SLC26A7: variants seen among roughly 807,000 people sequenced by gnomAD.
The protein encoded by SLC26A7 is anion exchange transporter.
SLC26A7 carries 59 observed loss-of-function variants against 82.5 expected under a neutral mutation model. The ratio of observed to expected loss-of-function variants is 0.72; its 90% confidence interval spans 0.58 to 0.89. The LOEUF is 0.89. SLC26A7 is among the 40% of genes least tolerant of loss of function. The probability of loss-of-function intolerance (pLI) is 0.00; values close to 1 mark genes in which losing one functional copy is unlikely to be tolerated. For missense variants in SLC26A7, 820 were observed against 793.0 expected (o/e 1.03, Z -0.41); for synonymous variants, 271 against 274.3 (o/e 0.99, Z 0.12).
At chr8:91,340,325 G>A (rs16912284) in intron 7 of SLC26A7, 79 bp from the exon 8 acceptor site, 41,080 of 1,532,298 alleles carry the variant, frequency 0.027, 653 homozygotes, top group African/African-American at 0.034. Context: ...CAGAGTCATT[G>A]CCACAGTTAA....
rs777720921 is a variant in SLC26A7 at position 91,218,890 on chromosome 8, G to T, written c.-149G>T. On this transcript the variant is annotated splice_region_variant and 5_prime_UTR_variant, in exon 2 of 6. Coordinates refer to the SLC26A7 transcript ENST00000522862. ...TTTATTTTTAATCTTTACTTTTTAG[G>T]ACTGGAAGATAAGCAAGAATCTGAA... 35 of 1,532,712 alleles carry T rather than the reference G, an allele frequency of 2.3e-5. 1 individual carries two copies. In the South Asian group the frequency reaches 4.1e-4, roughly 18 times the overall value. The allele number at this position is 1,532,712 out of a possible 1,614,324, so 94.9% of individuals were successfully genotyped here. A position where few individuals can be genotyped will look rare whatever the true frequency, so the allele number is the denominator to read the frequency against.
chr8:91,234,480 T>C (rs769102303), intron 2 of SLC26A7, among the ~76,000 whole-genome samples: 4 of 13,770 alleles, frequency 2.9e-4, no homozygotes, highest in African/African-American at 1.3e-3. Flanking sequence ...GGCCCTTCTG[T>C]TTTTTTTTTT....
chr8:91,227,645 A>G (rs1195190383), intron 2 of SLC26A7, among the ~76,000 whole-genome samples: 1 of 152,146 alleles, frequency 6.6e-6, no homozygotes, highest in Non-Finnish European at 1.5e-5. Flanking sequence ...TAAAGTATTG[A>G]TATTATTTTT....
chr8:91,294,417 T>C (rs1160659705), intron 3 of SLC26A7, among the ~76,000 whole-genome samples: 1 of 152,166 alleles, frequency 6.6e-6, no homozygotes, highest in Non-Finnish European at 1.5e-5. Context: ...GCCTCTCTTA[T>C]CTAGTAAGAC....
Position 91,347,869 on chromosome 8 carries a change from A to G in SLC26A7, c.1141-3941A>G, listed in dbSNP as rs959062460. On this transcript the variant is annotated intron_variant, in intron 9 of 18. Transcript: ENST00000276609. Reference sequence around the variant, plus strand: ...ATAAGAAATTTGTGGCACAGCTTAGACAAATAGCACAAAAAAATTACATTT... The same window carrying G: ...ATAAGAAATTTGTGGCACAGCTTAGGCAAATAGCACAAAAAAATTACATTT... Among the ~76,000 whole-genome samples the G allele has an allele frequency of 5.3e-5, 8 of 152,344 alleles. 1 individual carries two copies. The highest frequency in any genetic ancestry group is 5.2e-4 in the Admixed American group (8 of 15,298).
intron 3 of SLC26A7, among the ~76,000 whole-genome samples, chr8:91,292,654 C>A (rs1431704326): frequency 1.3e-5 from 2 of 151,828 alleles, no homozygotes; most frequent in Non-Finnish European, 2.9e-5. Flanking sequence ...GTAAACAATT[C>A]ATAAAATCAG....
intron 3 of SLC26A7, among the ~76,000 whole-genome samples, chr8:91,291,053 G>A (rs904347092): frequency 5.3e-5 from 8 of 152,126 alleles, no homozygotes; most frequent in Admixed American, 1.3e-4. Context: ...GTATATATAT[G>A]TGTTTATATG....
intron 1 of SLC26A7, among the ~76,000 whole-genome samples, chr8:91,217,183 T>G (rs950158838): frequency 1.3e-5 from 2 of 152,146 alleles, no homozygotes; most frequent in African/African-American, 4.8e-5. Flanking sequence ...CTGTATATCT[T>G]TGTAGCCTGA....
At chr8:91,299,565 T>TA (rs199597088) in intron 4 of SLC26A7, among the ~76,000 whole-genome samples, 2,502 of 152,286 alleles carry the variant, frequency 0.016, 43 homozygotes, top group African/African-American at 0.052. Flanking sequence ...TCTTTACCTC[T>TA]ATAACTTAAG....
intron 15 of SLC26A7, among the ~76,000 whole-genome samples, chr8:91,376,278 G>A (rs1814513735): frequency 6.6e-6 from 1 of 152,118 alleles, no homozygotes; most frequent in South Asian, 2.1e-4. Flanking sequence ...ATCCTTTGGA[G>A]GTGTCAAGAC....
At chr8:91,271,584 A>G (rs1445557526) in intron 2 of SLC26A7, among the ~76,000 whole-genome samples, 2 of 147,636 alleles carry the variant, frequency 1.4e-5, no homozygotes, top group South Asian at 2.1e-4. Flanking sequence ...GGTGGTCTAG[A>G]GAAATCTTTT....
At chr8:91,378,761 A>T (rs1814589226) in intron 15 of SLC26A7, among the ~76,000 whole-genome samples, 1 of 151,880 alleles carries the variant, frequency 6.6e-6, no homozygotes, top group African/African-American at 2.4e-5. Flanking sequence ...TTATACAGGC[A>T]GGTTTCTGTC....
chr8:91,276,173 T>C (rs1175180365), intron 2 of SLC26A7, among the ~76,000 whole-genome samples: 1 of 152,272 alleles, frequency 6.6e-6, no homozygotes, highest in South Asian at 2.1e-4. Context: ...TCTTTTTTTT[T>C]CTAAAATTTT....
chr8:91,306,609 C>G (rs1176111661), intron 4 of SLC26A7, among the ~76,000 whole-genome samples: 1 of 152,168 alleles, frequency 6.6e-6, no homozygotes, highest in African/African-American at 2.4e-5. Flanking sequence ...ACAGTTTCCC[C>G]TGTTACTAAC....
At chr8:91,334,254 G>T in intron 5 of SLC26A7, 41 bp from the exon 6 acceptor site, 2 of 1,569,986 alleles carry the variant, frequency 1.3e-6, no homozygotes, top group Non-Finnish European at 8.7e-7. Flanking sequence ...TATATTATAG[G>T]TGACCCTGAA....
chr8:91,362,534 G>A (rs1349773666), intron 12 of SLC26A7, 75 bp downstream of exon 12: 2 of 1,071,104 alleles, frequency 1.9e-6, no homozygotes, highest in Non-Finnish European at 2.8e-6. Flanking sequence ...TATGGTACTT[G>A]CTAGTTACTT....
chr8:91,232,520 G>C (rs1297746061), intron 2 of SLC26A7, among the ~76,000 whole-genome samples: 1 of 152,166 alleles, frequency 6.6e-6, no homozygotes, highest in Non-Finnish European at 1.5e-5. Flanking sequence ...AGATTTTCCA[G>C]GGCATGTGCC....
chr8:91,395,403 A>G lies in SLC26A7; in HGVS notation c.*306A>G. ...TATTATTTTGTGTTGTTTTATTTCT[A>G]TTGTGCTGTAAGTTGATGTTTAAAA... On this transcript the variant is annotated 3_prime_UTR_variant, in exon 19 of 19. Transcript: ENST00000276609. The G allele has an allele frequency of 1.3e-5, 5 of 393,418 alleles. No homozygotes were observed. The highest frequency in any genetic ancestry group is 1.9e-5 in the Non-Finnish European group (5 of 260,820). The allele number at this position is 393,418 out of a possible 1,614,324, so 24.4% of individuals were successfully genotyped here. A position where few individuals can be genotyped will look rare whatever the true frequency, so the allele number is the denominator to read the frequency against.
At chr8:91,252,621 A>G (rs922509828) in intron 2 of SLC26A7, among the ~76,000 whole-genome samples, 2 of 152,104 alleles carry the variant, frequency 1.3e-5, no homozygotes, top group Non-Finnish European at 2.9e-5. Flanking sequence ...AAAGCATAAA[A>G]GATGCTAATC....
Sources: allele counts gnomAD v4.1 joint callset (sites outside exome capture counted in the v4.1 genomes callset), GRCh38; gene constraint gnomAD v4.1.1; transcripts MANE v1.5; gene names NCBI Gene and HGNC (gene_info 2026-07-23, HGNC 2026-07-21).